Variants in ZNF544 observed in about 807,000 individuals in gnomAD.
ZNF544 encodes the protein zinc finger protein 544, also known as zinc finger protein AF020591.
A neutral mutation model predicts 13.5 loss-of-function variants in ZNF544; 10 were observed. The observed-to-expected ratio is 0.74, with a 90% CI of 0.46 to 1.25. The LOEUF (loss-of-function observed/expected upper bound fraction) is 1.25. ZNF544 is among the 50% of genes most tolerant of loss of function. The pLI, the probability that ZNF544 is intolerant of heterozygous loss-of-function variation, is 0.00. For missense variants in ZNF544, 896 were observed against 845.6 expected (o/e 1.06, Z -0.74); for synonymous variants, 323 against 300.5 (o/e 1.07, Z -0.77).
chr19:58,234,236 C>T (rs769911674), intron 3 of ZNF544, among the ~76,000 whole-genome samples: 3 of 152,326 alleles, frequency 2.0e-5, no homozygotes, highest in South Asian at 2.1e-4. Flanking sequence ...GCTCAGGTCA[C>T]GGGATGGGCC....
chr19:58,275,317 A>G (rs1321411185), intron 5 of ZNF544, among the ~76,000 whole-genome samples: 1 of 152,104 alleles, frequency 6.6e-6, no homozygotes, highest in Non-Finnish European at 1.5e-5. Context: ...ACCAACTGGC[A>G]CTGGCATCCG....
At chr19:58,230,618 A>ATAG in intron 3 of ZNF544, 156 bp downstream of exon 3, 1 of 152,648 alleles carries the variant, frequency 6.6e-6, no homozygotes, top group South Asian at 2.1e-4. Flanking sequence ...TCAGGACAAG[A>ATAG]TAGTAACACA....
downstream of ZNF544, chr19:58,267,085 G>A (rs62114178): frequency 0.3 from 45,293 of 151,992 alleles, 7,375 homozygotes; most frequent in Middle Eastern, 0.45. Context: ...TTTTTGAGAC[G>A]GAGTCTCATT....
At chr19:58,239,743 A>T (rs771665883) in intron 3 of ZNF544, among the ~76,000 whole-genome samples, 26 of 152,120 alleles carry the variant, frequency 1.7e-4, no homozygotes, top group Non-Finnish European at 3.1e-4. Flanking sequence ...TACTAAAAAT[A>T]CAAAAATTAG....
downstream of ZNF544, among the ~76,000 whole-genome samples, chr19:58,265,282 A>ATATTTATTTATT (rs139270092): frequency 0.017 from 2,450 of 147,432 alleles, 31 homozygotes; most frequent in Non-Finnish European, 0.022. Flanking sequence ...CCATGTCTGC[A>ATATTTATTTATT]TATTTATTTA....
intron 4 of ZNF544, 91 bp from the exon 5 acceptor site, chr19:58,246,210 G>A (rs527335924): frequency 4.9e-5 from 77 of 1,562,640 alleles, no homozygotes; most frequent in African/African-American, 9.5e-5. Flanking sequence ...TGAATTTTAC[G>A]GGGGGACACC....
Position 58,261,849 on chromosome 19 carries a change from A to C in ZNF544, c.1243A>C (p.Lys415Gln). The change falls in exon 7 of 7, where the codon AAA (lysine) becomes CAA (glutamine). Residue 415 changes from lysine to glutamine, a missense_variant. Lys to Gln is a moderately conservative substitution (Grantham distance 53). Coordinates refer to ENST00000687789, the MANE Select transcript of ZNF544 (RefSeq NM_014480.4). ...GCCCTATGAGTGTGACCTGTGTGGG[A>C]AATCCTTCACCCAGAGATCCAAACT... Reference protein sequence around the residue: ...EKPYECDLCGKSFTQRSKLIT... With the variant: ...EKPYECDLCGQSFTQRSKLIT... The C allele has an allele frequency of 1.2e-6, 2 of 1,613,704 alleles. No individual in the cohort carries two copies. Among genetic ancestry groups the C allele is most frequent in the Non-Finnish European group, 1.7e-6 (2 of 1,179,952 alleles).
intron 6 of ZNF544, chr19:58,251,366 G>A (rs767996991): frequency 3.3e-5 from 17 of 518,838 alleles, no homozygotes; most frequent in Admixed American, 9.7e-5. Flanking sequence ...TCAGGTTCCC[G>A]GTCTGGGACT....
chr19:58,243,716 A>G (rs2146979012), intron 3 of ZNF544, among the ~76,000 whole-genome samples: 1 of 152,254 alleles, frequency 6.6e-6, no homozygotes, highest in South Asian at 2.1e-4. Flanking sequence ...ACGAAATGAT[A>G]GGAAAAATGC....
intron 3 of ZNF544, among the ~76,000 whole-genome samples, chr19:58,238,129 A>G (rs1304965401): frequency 1.3e-5 from 2 of 152,090 alleles, no homozygotes; most frequent in African/African-American, 4.8e-5. Flanking sequence ...ACGGGGTTTC[A>G]CCATGTTGGT....
intron 5 of ZNF544, among the ~76,000 whole-genome samples, chr19:58,272,075 C>T (rs1258260444): frequency 1.3e-5 from 2 of 150,946 alleles, no homozygotes; most frequent in African/African-American, 2.4e-5. Context: ...GCAGGAGAAT[C>T]GCTGGAACCC....
intron 3 of ZNF544, among the ~76,000 whole-genome samples, chr19:58,238,401 C>G (rs1319172498): frequency 6.6e-6 from 1 of 152,176 alleles, no homozygotes; most frequent in African/African-American, 2.4e-5. Context: ...AGGACCCCAT[C>G]AAACCCACCG....
At chr19:58,239,792 G>C (rs1485136461) in intron 3 of ZNF544, among the ~76,000 whole-genome samples, 1 of 151,986 alleles carries the variant, frequency 6.6e-6, no homozygotes, top group African/African-American at 2.4e-5. Flanking sequence ...CCAGTTACTT[G>C]GGAGGCTGAG....
chr19:58,243,771 C>A (rs2146981472), intron 3 of ZNF544, among the ~76,000 whole-genome samples, 194 bp from the exon 4 acceptor site: 1 of 152,256 alleles, frequency 6.6e-6, no homozygotes, highest in African/African-American at 2.4e-5. Flanking sequence ...CGTGTCTGGA[C>A]TCACAGCTGA....
At chr19:58,237,754 C>T (rs1395971676) in intron 3 of ZNF544, among the ~76,000 whole-genome samples, 3 of 152,240 alleles carry the variant, frequency 2.0e-5, no homozygotes, top group Non-Finnish European at 4.4e-5. Flanking sequence ...GTGACCTGTG[C>T]CAGAAGCCTG....
chr19:58,267,062 A>G (rs1379328571), downstream of ZNF544: 1 of 152,188 alleles, frequency 6.6e-6, no homozygotes, highest in Non-Finnish European at 1.5e-5. Flanking sequence ...CAGAGGAACC[A>G]AATATTCTTT....
chr19:58,240,570 G>A (rs188941145), intron 3 of ZNF544, among the ~76,000 whole-genome samples: 2 of 152,118 alleles, frequency 1.3e-5, no homozygotes, highest in East Asian at 3.9e-4. Flanking sequence ...GACCAGCCTG[G>A]ACAACATCCT....
intron 6 of ZNF544, among the ~76,000 whole-genome samples, chr19:58,256,422 G>A (rs1196317114): frequency 6.6e-6 from 1 of 152,102 alleles, no homozygotes; most frequent in East Asian, 1.9e-4. Flanking sequence ...CGAGGAAGGG[G>A]CTTGATTAAC....
intron 6 of ZNF544, chr19:58,257,400 A>G (rs2047725514): frequency 6.6e-6 from 1 of 152,206 alleles, no homozygotes; most frequent in African/African-American, 2.4e-5. Context: ...GATGTTTCCC[A>G]TTGGTCACTT....
Sources: gnomAD v4.1 joint callset for allele counts (sites outside exome capture counted in the v4.1 genomes callset) on GRCh38, gnomAD v4.1.1 for gene constraint, MANE v1.5 for transcripts, NCBI Gene and HGNC (gene_info 2026-07-23, HGNC 2026-07-21) for gene names.